Variants in DPP10 observed in about 807,000 individuals in gnomAD.
The protein encoded by DPP10 is dipeptidyl peptidase like 10, also known as inactive dipeptidyl peptidase 10.
A neutral mutation model predicts 120.9 loss-of-function variants in DPP10; 33 were observed. The observed-to-expected ratio is 0.27, with a 90% CI of 0.21 to 0.37. The LOEUF (loss-of-function observed/expected upper bound fraction) is 0.37. Among genes scored for constraint, DPP10 ranks in the 10% least tolerant of loss-of-function variants. The pLI, the probability that DPP10 is intolerant of heterozygous loss-of-function variation, is 1.00. For synonymous variants in DPP10, 337 were observed against 326.1 expected, an observed-to-expected ratio of 1.03 and a Z score of -0.36; for missense variants, 816 against 942.8, an observed-to-expected ratio of 0.87 and a Z score of 1.76.
chr2:115,118,429 T>A (rs1222591531), intron 1 of DPP10, among the ~76,000 whole-genome samples: 1 of 152,190 alleles, frequency 6.6e-6, no homozygotes, highest in Non-Finnish European at 1.5e-5. Context: ...TTTTGTAAGA[T>A]GAAGATAATA....
intron 3 of DPP10, among the ~76,000 whole-genome samples, chr2:115,407,960 C>T (rs1424064633): frequency 6.6e-6 from 1 of 152,040 alleles, no homozygotes; most frequent in Non-Finnish European, 1.5e-5. Context: ...AATGGCTACT[C>T]ATCTAGAATG....
chr2:114,614,486 A>G (rs1693530396), intron 1 of DPP10, among the ~76,000 whole-genome samples: 1 of 152,180 alleles, frequency 6.6e-6, no homozygotes, highest in Non-Finnish European at 1.5e-5. Context: ...TTATGAATCT[A>G]TCCAAAACAT....
At chr2:115,364,913 A>AT (rs1168729938) in intron 3 of DPP10, among the ~76,000 whole-genome samples, 3 of 152,034 alleles carry the variant, frequency 2.0e-5, no homozygotes, top group African/African-American at 4.8e-5. Context: ...AGTAGAGGAT[A>AT]TTTTTTCTCC....
chr2:114,608,678 A>G (rs1225063289), intron 1 of DPP10, among the ~76,000 whole-genome samples: 1 of 152,068 alleles, frequency 6.6e-6, no homozygotes, highest in Non-Finnish European at 1.5e-5. Flanking sequence ...AATGTGGTAC[A>G]TATACACCAT....
intron 3 of DPP10, among the ~76,000 whole-genome samples, chr2:115,402,852 A>ATATATATATATAT (rs70941056): frequency 8.8e-5 from 5 of 56,948 alleles, no homozygotes; most frequent in African/African-American, 2.6e-4. Context: ...GAAAAAAAAA[A>ATATATATATATAT]AAATATATAT....
intron 1 of DPP10, among the ~76,000 whole-genome samples, chr2:114,983,737 C>G (rs1018621996): frequency 6.6e-6 from 1 of 152,004 alleles, no homozygotes; most frequent in Non-Finnish European, 1.5e-5. Context: ...TTATATAGAG[C>G]TCACTACAAG....
chr2:114,589,324 G>C (rs149983576), intron 1 of DPP10, among the ~76,000 whole-genome samples: 2 of 152,260 alleles, frequency 1.3e-5, no homozygotes, highest in East Asian at 1.9e-4. Flanking sequence ...TTGCTGCTCG[G>C]TGTTAACCCC....
chr2:115,831,822 T>C (rs1209614985), intron 21 of DPP10, among the ~76,000 whole-genome samples: 4 of 152,224 alleles, frequency 2.6e-5, no homozygotes, highest in Non-Finnish European at 4.4e-5. Flanking sequence ...TAAACTTTTG[T>C]AAGTAATGCT....
At chr2:115,282,297 T>A (rs1481439490) in intron 1 of DPP10, among the ~76,000 whole-genome samples, 1 of 152,080 alleles carries the variant, frequency 6.6e-6, no homozygotes, top group Non-Finnish European at 1.5e-5. Flanking sequence ...CTATTACAAT[T>A]TTTAGACTTC....
intron 1 of DPP10, among the ~76,000 whole-genome samples, chr2:115,001,573 G>A (rs142721031): frequency 6.6e-6 from 1 of 152,050 alleles, no homozygotes. Flanking sequence ...AGAAATAAAA[G>A]GTATCCAAAT....
In DPP10 at chr2:115,171,925, T is replaced by G. The variant is rs141880772; in HGVS notation, c.61-137314T>G. 3.3e-5 allele frequency among the ~76,000 whole-genome samples: 5 copies of G among 152,270 alleles called. No individual in the cohort carries two copies. In the East Asian group the frequency reaches 9.7e-4, roughly 29 times the overall value. ...CAAGAGGTTACACGCAAAGCCATAA[T>G]GCCATTCTGAACGTAAACTGTGAAA... On this transcript the variant is annotated intron_variant, in intron 1 of 25. Coordinates refer to ENST00000410059, the MANE Select transcript of DPP10 (RefSeq NM_020868.6).
chr2:114,708,466 C>T (rs1397927794), intron 1 of DPP10, among the ~76,000 whole-genome samples: 1 of 152,178 alleles, frequency 6.6e-6, no homozygotes, highest in Non-Finnish European at 1.5e-5. Flanking sequence ...CCAAGGCTCT[C>T]TGGGGCCCTG....
chr2:115,470,737 T>C (rs1482630614), intron 3 of DPP10, among the ~76,000 whole-genome samples: 1 of 152,192 alleles, frequency 6.6e-6, no homozygotes, highest in Admixed American at 6.5e-5. Context: ...AATTTGGTTT[T>C]CTATCCCCTT....
intron 5 of DPP10, among the ~76,000 whole-genome samples, chr2:115,540,801 T>A (rs1261891647): frequency 6.6e-6 from 1 of 151,902 alleles, no homozygotes; most frequent in Non-Finnish European, 1.5e-5. Flanking sequence ...TTATTACTTT[T>A]CTCTTCATAA....
At chr2:115,043,943 T>C (rs1174639168) in intron 1 of DPP10, among the ~76,000 whole-genome samples, 1 of 152,162 alleles carries the variant, frequency 6.6e-6, no homozygotes, top group East Asian at 1.9e-4. Flanking sequence ...ATTTATGGGG[T>C]ACATGAGATA....
chr2:114,872,502 G>T, intron 1 of DPP10, among the ~76,000 whole-genome samples: 1 of 152,178 alleles, frequency 6.6e-6, no homozygotes. Flanking sequence ...AACCCTTTTA[G>T]TAGGTGGCAG....
At chr2:115,698,849 A>G (rs1575553998) in intron 7 of DPP10, among the ~76,000 whole-genome samples, 1 of 152,142 alleles carries the variant, frequency 6.6e-6, no homozygotes, top group East Asian at 1.9e-4. Flanking sequence ...AAAAGATCTC[A>G]AATCAACAAC....
At chr2:115,604,873 C>T (rs1003274935) in intron 5 of DPP10, among the ~76,000 whole-genome samples, 1 of 152,140 alleles carries the variant, frequency 6.6e-6, no homozygotes, top group Non-Finnish European at 1.5e-5. Flanking sequence ...AATTTCTTCT[C>T]TTGTACTTAC....
At chr2:115,049,700 T>A (rs535575955) in intron 1 of DPP10, among the ~76,000 whole-genome samples, 18 of 152,338 alleles carry the variant, frequency 1.2e-4, no homozygotes, top group Middle Eastern at 3.4e-3. Flanking sequence ...TTCCAAATAG[T>A]TCATGATGGC....
Sources: allele counts gnomAD v4.1 joint callset (sites outside exome capture counted in the v4.1 genomes callset), GRCh38; gene constraint gnomAD v4.1.1; transcripts MANE v1.5; gene names NCBI Gene and HGNC (gene_info 2026-07-23, HGNC 2026-07-21).